Variants in INCA1 observed in about 807,000 individuals in gnomAD.
INCA1 encodes protein INCA1.
Under a neutral mutation model 25.7 loss-of-function variants are expected in INCA1, and 28 were observed. That is an observed-to-expected ratio of 1.09 (90% CI 0.81 to 1.49). The LOEUF is 1.49. Ranked by LOEUF, INCA1 falls within the 40% of genes most tolerant of loss-of-function variation. The pLI is 0.00. For missense variants in INCA1, 309 were observed against 290.9 expected (o/e 1.06, Z -0.45); for synonymous variants, 111 against 103.6 (o/e 1.07, Z -0.43).
At chr17:4,989,951 C>A (rs1296225705) in intron 3 of INCA1, 22 bp from the exon 4 acceptor site, 1 of 1,614,038 alleles carries the variant, frequency 6.2e-7, no homozygotes, top group Admixed American at 1.7e-5. Context: ...AAAAAGGGGG[C>A]TATAAGTGCA....
chr17:4,992,754 G>T (rs960122859), intron 2 of INCA1, among the ~76,000 whole-genome samples: 2 of 129,996 alleles, frequency 1.5e-5, no homozygotes, highest in Non-Finnish European at 3.2e-5. Flanking sequence ...TTGTTGCCCA[G>T]GCTGGAGTGC....
intron 2 of INCA1, among the ~76,000 whole-genome samples, chr17:4,992,211 A>C (rs1973917832): frequency 6.6e-6 from 1 of 151,358 alleles, no homozygotes; most frequent in Admixed American, 6.5e-5. Flanking sequence ...TAATAAAAAA[A>C]GTTGAAGGAA....
intron 2 of INCA1, among the ~76,000 whole-genome samples, chr17:4,991,106 C>G (rs1353535575): frequency 6.6e-6 from 1 of 151,432 alleles, no homozygotes; most frequent in Non-Finnish European, 1.5e-5. Context: ...TTAGTAGAGA[C>G]GGGGTTTTGC....
At chr17:4,989,214 T>C (rs1409530574) in intron 5 of INCA1, among the ~76,000 whole-genome samples, 3 of 152,204 alleles carry the variant, frequency 2.0e-5, no homozygotes, top group Non-Finnish European at 2.9e-5. Context: ...TTCCAGCTCA[T>C]GTGGCTCATC....
intron 2 of INCA1, among the ~76,000 whole-genome samples, chr17:4,993,519 A>G (rs1406948840): frequency 6.6e-6 from 1 of 150,412 alleles, no homozygotes; most frequent in Non-Finnish European, 1.5e-5. Flanking sequence ...CTCAGGCTGG[A>G]GTGCAGTGGT....
At position 4,995,557 on chromosome 17, in the gene INCA1, G is replaced by A. The variant is rs527760243; in HGVS notation, c.-38-1082C>T. On this transcript the variant is annotated intron_variant, in intron 1 of 6. Transcript: ENST00000576820. ...CACCTGTAATCCCAGCACTTTGCGG[G>A]GCTGGGGCAAGAGAATTGCCTGAGC... Among the ~76,000 whole-genome samples the A allele has an allele frequency of 1.2e-3, 181 of 152,296 alleles. 1 individual carries two copies. Among genetic ancestry groups the A allele is most frequent in the Admixed American group, 4.9e-3 (75 of 15,298 alleles).
At chr17:4,988,416 A>C (rs1597796291) in exon 7 of INCA1, 2 of 1,602,480 alleles carry the variant, frequency 1.2e-6, no homozygotes, top group African/African-American at 1.3e-5. Context: ...TACTCTTCAG[A>C]CGCTGCCAAC....
rs746534315 is a variant in INCA1 at position 4,988,948 on chromosome 17, T to C, written c.396-4A>G. Reference sequence around the variant, plus strand: ...GCCCCACTGGGCCTTCTTCAGTCTGTGGAGACTTTAGGCTGAGGAGAGAAG... The same window carrying C: ...GCCCCACTGGGCCTTCTTCAGTCTGCGGAGACTTTAGGCTGAGGAGAGAAG... On this transcript the variant is annotated splice_region_variant and splice_polypyrimidine_tract_variant and intron_variant, in intron 5 of 6. Coordinates refer to ENST00000576820, the Ensembl canonical transcript of INCA1. The C allele has an allele frequency of 2.5e-6, 4 of 1,612,898 alleles. No homozygotes were observed. The highest frequency in any genetic ancestry group is 1.7e-5 in the Admixed American group (1 of 59,936).
exon 2 of INCA1, chr17:4,994,459 T>TA (rs781430497): frequency 5.0e-6 from 8 of 1,613,266 alleles, no homozygotes; most frequent in Admixed American, 3.3e-5. Flanking sequence ...GCTGGGTAGT[T>TA]AGTCTCCTTT....
intron 2 of INCA1, among the ~76,000 whole-genome samples, chr17:4,993,157 G>A (rs1478536499): frequency 1.3e-5 from 2 of 151,910 alleles, no homozygotes; most frequent in African/African-American, 4.8e-5. Context: ...TCGGATTACA[G>A]GTGTGAGCCA....
At chr17:4,988,637 T>C (rs1597797624) in intron 6 of INCA1, 83 bp from the exon 7 acceptor site, 11 of 1,569,832 alleles carry the variant, frequency 7.0e-6, no homozygotes, top group South Asian at 6.9e-5. Context: ...CTTAGGTACC[T>C]CGAAGTCTCT....
intron 1 of INCA1, among the ~76,000 whole-genome samples, chr17:4,995,031 C>T (rs913250162): frequency 1.3e-5 from 2 of 151,788 alleles, no homozygotes; most frequent in Admixed American, 1.3e-4. Flanking sequence ...CATGGAGAAA[C>T]CCCGTCTCTA....
intron 5 of INCA1, 33 bp from the exon 6 acceptor site, chr17:4,988,977 C>T (rs1041498897): frequency 6.3e-7 from 1 of 1,590,676 alleles, no homozygotes; most frequent in African/African-American, 1.3e-5. Context: ...AGAGAAGTGC[C>T]TGGAGGCCAG....
At chr17:4,991,193 C>T (rs1169568672) in intron 2 of INCA1, among the ~76,000 whole-genome samples, 1 of 152,108 alleles carries the variant, frequency 6.6e-6, no homozygotes, top group Non-Finnish European at 1.5e-5. Context: ...GCTGGGATTA[C>T]AGGTGTGAGC....
chr17:4,989,077 C>T, intron 5 of INCA1, 133 bp from the exon 6 acceptor site: 2 of 1,022,394 alleles, frequency 2.0e-6, no homozygotes, highest in Non-Finnish European at 2.8e-6. Flanking sequence ...TAACCCTCCA[C>T]TCCCAATTTT....
exon 7 of INCA1, chr17:4,988,278 G>A (rs1388438522): frequency 4.6e-6 from 5 of 1,077,636 alleles, no homozygotes; most frequent in Non-Finnish European, 6.5e-6. Context: ...TCAGAGGATG[G>A]GAAAGGCAGT....
chr17:4,990,237 G>A lies in INCA1; in HGVS notation c.73C>T (p.Pro25Ser), dbSNP rs201119350. The A allele has an allele frequency of 1.4e-3, 2,323 of 1,614,048 alleles. 27 individuals are homozygous for A. Among genetic ancestry groups the A allele is most frequent in the South Asian group, 5.1e-4 (46 of 91,068 alleles). The change falls in exon 3 of 7, where the codon CCC becomes TCC. Residue 25 changes from proline to serine, a missense_variant. Pro to Ser is a moderately conservative substitution (Grantham distance 74). Coordinates refer to ENST00000576820, the Ensembl canonical transcript of INCA1. ...AGGCTCTGGGAAGGCAACCTTGGGG[G>A]TGGAGATCGGCTGACCACCCTGGAA... is the stretch of plus-strand genomic sequence containing the variant.
intron 4 of INCA1, 74 bp downstream of exon 4, chr17:4,989,816 G>T: frequency 2.5e-6 from 4 of 1,606,740 alleles, no homozygotes; most frequent in Non-Finnish European, 3.4e-6. Context: ...GCGGTAATAA[G>T]GAGAGCTTGG....
chr17:4,993,662 G>A (rs1974030982), intron 2 of INCA1, among the ~76,000 whole-genome samples: 1 of 150,388 alleles, frequency 6.6e-6, no homozygotes, highest in African/African-American at 2.4e-5. Context: ...GTAGACACGA[G>A]TTTCACTTTG....
Sources: gnomAD v4.1 joint callset for allele counts (sites outside exome capture counted in the v4.1 genomes callset) on GRCh38, gnomAD v4.1.1 for gene constraint, MANE v1.5 for transcripts, NCBI Gene and HGNC (gene_info 2026-07-23, HGNC 2026-07-21) for gene names.